MFSD6: variants seen among roughly 807,000 people sequenced by gnomAD.
The protein encoded by MFSD6 is major facilitator superfamily domain-containing protein 6.
A neutral mutation model predicts 56.3 loss-of-function variants in MFSD6; 26 were observed. The ratio of observed to expected loss-of-function variants is 0.46; its 90% CI spans 0.34 to 0.64. MFSD6 has a LOEUF of 0.64. MFSD6 is among the 30% of genes least tolerant of loss of function. MFSD6 has a pLI of 0.01. For synonymous variants in MFSD6, 331 were observed against 366.9 expected, an observed-to-expected ratio of 0.90 and a Z score of 1.12; for missense variants, 750 against 986.2, an observed-to-expected ratio of 0.76 and a Z score of 3.21.
intron 3 of MFSD6, among the ~76,000 whole-genome samples, chr2:190,445,752 T>G (rs1686556559): frequency 6.6e-6 from 1 of 152,240 alleles, no homozygotes; most frequent in South Asian, 2.1e-4. Context: ...TTTAAAAAGT[T>G]AAGTGCTTCT....
At chr2:190,483,770 G>A (rs1028314743) in intron 4 of MFSD6, among the ~76,000 whole-genome samples, 7 of 149,890 alleles carry the variant, frequency 4.7e-5, no homozygotes, top group Non-Finnish European at 8.9e-5. Flanking sequence ...AGGAGGCAGA[G>A]GATGCGGTGA....
rs1247417240 is a variant in MFSD6 at position 190,418,839 on chromosome 2, T to C, written c.-54+3426T>C. Among the ~76,000 whole-genome samples, 22 of 152,076 alleles carry C rather than the reference T, an allele frequency of 1.4e-4. No homozygotes were observed. The highest frequency in any genetic ancestry group is 1.4e-3 in the Admixed American group (22 of 15,282). ...AGTTTCAATCCCAGTGGAATGCTGC[T>C]AGTAGCAGCTCTGGGGAGCTAGTAG... On this transcript the variant is annotated intron_variant, in intron 2 of 7. Coordinates refer to ENST00000392328, the MANE Select transcript of MFSD6 (RefSeq NM_017694.4). The surrounding 1 kb of genome is among the most constrained non-coding windows in gnomAD (Gnocchi z 4.1).
rs901413964 is a variant in MFSD6, at chr2:190,490,911, A to G, written c.1891+1045A>G. 5.2e-4 allele frequency among the ~76,000 whole-genome samples: 79 copies of G among 152,202 alleles called. No homozygotes were observed. Among genetic ancestry groups the G allele is most frequent in the African/African-American group, 1.8e-3 (75 of 41,438 alleles). On this transcript the variant is annotated intron_variant, in intron 6 of 7. Transcript: ENST00000392328. This position sits in a 1 kb window ranked among gnomAD's most constrained non-coding sequence, Gnocchi z 4.5. ...TAATCTCAATGAGTTACTCAGAAAG[A>G]GCAATACTGTTTTTTCTTACTTTTG... is the stretch of plus-strand genomic sequence containing the variant.
chr2:190,440,734 G>T (rs1338049199), intron 3 of MFSD6, among the ~76,000 whole-genome samples: 3 of 152,248 alleles, frequency 2.0e-5, no homozygotes, highest in Non-Finnish European at 4.4e-5. Flanking sequence ...TACACTCAAG[G>T]TCTGTTTTGC....
intron 3 of MFSD6, among the ~76,000 whole-genome samples, chr2:190,445,187 CTCATATT>C (rs1686529542): frequency 6.6e-6 from 1 of 152,042 alleles, no homozygotes. Flanking sequence ...GGATACTTAT[CTCATATT>C]AAAGAGAATT....
chr2:190,499,063 G>C lies in MFSD6; in HGVS notation c.2173-952G>C, dbSNP rs978833080. Among the ~76,000 whole-genome samples, 16 of 152,300 alleles carry C rather than the reference G, an allele frequency of 1.1e-4. No homozygotes were observed. In the East Asian group the frequency reaches 2.3e-3, roughly 22 times the overall value. ...CTATGGAAGGCTGAGGCAGAGAATT[G>C]CTTGAACCCAGCAGGAGGAGGTTGC... On this transcript the variant is annotated intron_variant, in intron 7 of 7. Transcript: ENST00000392328. This position sits in a 1 kb window ranked among gnomAD's most constrained non-coding sequence, Gnocchi z 6.0.
At position 190,424,160 on chromosome 2, in the gene MFSD6, T is replaced by C. The variant is rs940205358; in HGVS notation, c.-54+8747T>C. On this transcript the variant is annotated intron_variant, in intron 2 of 7. Coordinates refer to ENST00000392328, the MANE Select transcript of MFSD6 (RefSeq NM_017694.4). The surrounding 1 kb of genome is among the most constrained non-coding windows in gnomAD (Gnocchi z 5.9). Reference sequence around the variant, plus strand: ...TTTAATGAAGTCTAACATTAGTTTTTCCTTTTATGGATCATGGTATCGGTG... The same window carrying C: ...TTTAATGAAGTCTAACATTAGTTTTCCCTTTTATGGATCATGGTATCGGTG... Among the ~76,000 whole-genome samples the C allele has an allele frequency of 3.9e-5, 6 of 152,126 alleles. No individual in the cohort carries two copies. Among genetic ancestry groups the C allele is most frequent in the Non-Finnish European group, 8.8e-5 (6 of 68,012 alleles).
In MFSD6 at chr2:190,410,467, G is replaced by C. The variant is rs370035820; in HGVS notation, c.-176+1964G>C. Among the ~76,000 whole-genome samples the C allele has an allele frequency of 2.6e-5, 4 of 152,210 alleles. No homozygotes were observed. The highest frequency in any genetic ancestry group is 9.6e-5 in the African/African-American group (4 of 41,506). On this transcript the variant is annotated intron_variant, in intron 1 of 7. Transcript: ENST00000392328. The surrounding 1 kb of genome is among the most constrained non-coding windows in gnomAD (Gnocchi z 4.4). ...CTACGCAGATGTCTTCCTTAGCTTCGTGCCTTTGAAAATTAACTTGATTTC... is the reference window on the plus strand; with the variant it reads ...CTACGCAGATGTCTTCCTTAGCTTCCTGCCTTTGAAAATTAACTTGATTTC...
At chr2:190,442,836 C>T (rs4853708) in intron 3 of MFSD6, 85,651 of 151,820 alleles carry the variant, frequency 0.56, 24,766 homozygotes, top group Admixed American at 0.65. Context: ...GAGGTTAGGA[C>T]GGGATGCAGA....
At chr2:190,482,867 TC>T (rs1688757839) in intron 4 of MFSD6, among the ~76,000 whole-genome samples, 1 of 108,440 alleles carries the variant, frequency 9.2e-6, no homozygotes, top group Non-Finnish European at 1.9e-5. Context: ...AAGACTATCA[TC>T]TTTTTTTTTT....
intron 1 of MFSD6, among the ~76,000 whole-genome samples, chr2:190,409,123 C>T (rs1376325054): frequency 1.3e-5 from 2 of 152,162 alleles, no homozygotes; most frequent in Non-Finnish European, 2.9e-5. Context: ...AGACATCCCC[C>T]ACCTCGTGCT....
rs1428335825 is a variant in MFSD6, at chr2:190,454,874, G to T, written c.1533-14884G>T. 6.6e-6 allele frequency among the ~76,000 whole-genome samples: 1 copy of T among 152,016 alleles called. No individual in the cohort carries two copies. The highest frequency in any genetic ancestry group is 1.9e-4 in the East Asian group (1 of 5,196). On this transcript the variant is annotated intron_variant, in intron 3 of 7. Coordinates refer to ENST00000392328, the MANE Select transcript of MFSD6 (RefSeq NM_017694.4). This position sits in a 1 kb window ranked among gnomAD's most constrained non-coding sequence, Gnocchi z 4.6. ...CTAACATAGTGGGATGATGGTAGGA[G>T]TGAGTCCGGCAACGGCAAACTTGTA...
At position 190,416,195 on chromosome 2, in the gene MFSD6, A is replaced by G. The variant is rs921397203; in HGVS notation, c.-54+782A>G. Among the ~76,000 whole-genome samples the G allele has an allele frequency of 3.3e-5, 5 of 152,182 alleles. No individual in the cohort carries two copies. Among genetic ancestry groups the G allele is most frequent in the African/African-American group, 9.7e-5 (4 of 41,442 alleles). Reference sequence around the variant, plus strand: ...CCTAAATTATAAATTTTTAATTGACATTTGATTATTTTCTTCCACAAAGTG... The same window carrying G: ...CCTAAATTATAAATTTTTAATTGACGTTTGATTATTTTCTTCCACAAAGTG... On this transcript the variant is annotated intron_variant, in intron 2 of 7. Coordinates refer to ENST00000392328, the MANE Select transcript of MFSD6 (RefSeq NM_017694.4). The surrounding 1 kb of genome is among the most constrained non-coding windows in gnomAD (Gnocchi z 4.1).
chr2:190,500,515 A>G lies in MFSD6; in HGVS notation c.*297A>G, dbSNP rs1689976956. The G allele has an allele frequency of 2.0e-5, 7 of 350,748 alleles. No individual in the cohort carries two copies. Among genetic ancestry groups the G allele is most frequent in the Non-Finnish European group, 3.7e-5 (7 of 190,696 alleles). 21.7% of individuals were successfully genotyped at this position (350,748 alleles called of 1,614,324 possible). A position where few individuals can be genotyped will look rare whatever the true frequency, so the allele number is the denominator to read the frequency against. On this transcript the variant is annotated 3_prime_UTR_variant, in exon 8 of 8. Coordinates refer to ENST00000392328, the MANE Select transcript of MFSD6 (RefSeq NM_017694.4). The surrounding 1 kb of genome is among the most constrained non-coding windows in gnomAD (Gnocchi z 5.3). ...GATAGAATTTCTCTGCCAGTGCAGT[A>G]AGAGTTGAAACCGGCAGTTACACTA...
intron 3 of MFSD6, among the ~76,000 whole-genome samples, chr2:190,452,730 G>C (rs1439155955): frequency 6.6e-6 from 1 of 152,030 alleles, no homozygotes; most frequent in African/African-American, 2.4e-5. Context: ...GTCTCTTCCT[G>C]GTGAGATCTC....
At position 190,488,991 on chromosome 2, in the gene MFSD6, C is replaced by T. The variant is rs532433657; in HGVS notation, c.1792+173C>T. On this transcript the variant is annotated intron_variant, in intron 5 of 7. Transcript: ENST00000392328. This position sits in a 1 kb window ranked among gnomAD's most constrained non-coding sequence, Gnocchi z 6.4. The stretch of plus-strand genomic sequence containing the variant: ...TCATAATTGTAAAGCAGTGTGCTTA[C>T]GTTGTTAAGCTGATCTGAGCCAGCC... Among the ~76,000 whole-genome samples the T allele has an allele frequency of 3.3e-4, 50 of 152,230 alleles. No homozygotes were observed. Among genetic ancestry groups the T allele is most frequent in the South Asian group, 8.3e-4 (4 of 4,814 alleles).
At position 190,469,299 on chromosome 2, in the gene MFSD6, A is replaced by G. The variant is rs1388230142; in HGVS notation, c.1533-459A>G. 1.3e-5 allele frequency among the ~76,000 whole-genome samples: 2 copies of G among 152,166 alleles called. No homozygotes were observed. The highest frequency in any genetic ancestry group is 4.8e-5 in the African/African-American group (2 of 41,448). ...TATCTTGGGTATTATGAGCAAGGCC[A>G]CATTCGTGTTTACATATTCTCATTT... On this transcript the variant is annotated intron_variant, in intron 3 of 7. Transcript: ENST00000392328. The surrounding 1 kb of genome is among the most constrained non-coding windows in gnomAD (Gnocchi z 5.3).
At position 190,436,553 on chromosome 2, in the gene MFSD6, A is replaced by G. The variant is rs751035508; in HGVS notation, c.524A>G (p.Gln175Arg). ...ACTCACCCCACCAATGCAAGTCACC[A>G]GTTAACTATCCTGCCAACAAATTCT... ...PTTHPTNASH[Q>R]LTILPTNSSF... The change falls in exon 3 of 8, where the codon CAG becomes CGG. Residue 175 changes from glutamine to arginine, a missense_variant. Gln to Arg is a conservative substitution (Grantham distance 43, BLOSUM62 1). Transcript: ENST00000392328. This position sits in a 1 kb window ranked among gnomAD's most constrained non-coding sequence, Gnocchi z 5.3. The G allele has an allele frequency of 1.2e-6, 2 of 1,614,252 alleles. No individual in the cohort carries two copies. Among genetic ancestry groups the G allele is most frequent in the Non-Finnish European group, 1.7e-6 (2 of 1,180,044 alleles).
intron 4 of MFSD6, among the ~76,000 whole-genome samples, chr2:190,479,721 T>C (rs1688552592): frequency 6.6e-6 from 1 of 152,146 alleles, no homozygotes; most frequent in Non-Finnish European, 1.5e-5. Flanking sequence ...ACCTAGGGGC[T>C]GCTATAACTA....
Sources: allele counts gnomAD v4.1 joint callset (sites outside exome capture counted in the v4.1 genomes callset), GRCh38; gene constraint gnomAD v4.1.1; non-coding constraint Gnocchi (gnomAD v3.1); transcripts MANE v1.5; gene names NCBI Gene and HGNC (gene_info 2026-07-23, HGNC 2026-07-21).